The following OPCML variants were observed in gnomAD, a reference collection of about 807,000 sequenced individuals.
The protein encoded by OPCML is opioid binding protein/cell adhesion molecule like.
A neutral mutation model predicts 37.8 loss-of-function variants in OPCML; 13 were observed. That is an observed-to-expected ratio of 0.34 (90% confidence interval 0.22 to 0.55). The LOEUF is 0.55. Ranked by LOEUF, OPCML falls within the 20% of genes least tolerant of loss-of-function variation. The pLI, the probability that OPCML is intolerant of heterozygous loss-of-function variation, is 0.91. For missense variants in OPCML, 341 were observed against 435.6 expected (o/e 0.78, Z 1.93); for synonymous variants, 176 against 168.8 (o/e 1.04, Z -0.33).
intron 2 of OPCML, among the ~76,000 whole-genome samples, chr11:132,861,547 G>A (rs554956672): frequency 9.9e-5 from 15 of 152,256 alleles, no homozygotes; most frequent in Admixed American, 4.6e-4. Flanking sequence ...ATTTAAAACT[G>A]CTTTTTTGGC....
intron 1 of OPCML, among the ~76,000 whole-genome samples, chr11:133,414,755 G>A (rs532630838): frequency 5.8e-4 from 89 of 152,170 alleles, no homozygotes; most frequent in African/African-American, 1.9e-3. Flanking sequence ...GCACAGTGAC[G>A]CGAACAGACT....
intron 2 of OPCML, among the ~76,000 whole-genome samples, chr11:132,700,562 T>C (rs997362984): frequency 6.6e-6 from 1 of 152,224 alleles, no homozygotes; most frequent in Admixed American, 6.5e-5. Context: ...AGTAATGTGT[T>C]GTAAAATTTC....
intron 1 of OPCML, among the ~76,000 whole-genome samples, chr11:133,161,690 T>G (rs1433106169): frequency 1.3e-5 from 2 of 152,214 alleles, no homozygotes; most frequent in African/African-American, 4.8e-5. Flanking sequence ...AATTTGATTA[T>G]TAACTGAGGA....
intron 1 of OPCML, among the ~76,000 whole-genome samples, chr11:133,357,720 A>G (rs1944320476): frequency 1.3e-5 from 2 of 152,188 alleles, no homozygotes; most frequent in African/African-American, 4.8e-5. Context: ...TTTTCAAAGG[A>G]TAAAGATTCT....
intron 2 of OPCML, among the ~76,000 whole-genome samples, chr11:132,830,345 G>A (rs913180613): frequency 7.9e-5 from 12 of 152,226 alleles, no homozygotes; most frequent in Non-Finnish European, 1.3e-4. Flanking sequence ...CCCATAAAGC[G>A]GTGTTGGACT....
At chr11:133,384,138 T>C (rs751556669) in intron 1 of OPCML, among the ~76,000 whole-genome samples, 13 of 150,788 alleles carry the variant, frequency 8.6e-5, no homozygotes, top group Admixed American at 2.7e-4. Context: ...CCACTCCAGC[T>C]ATATGACTGA....
chr11:132,852,907 A>G (rs115277131), intron 2 of OPCML, among the ~76,000 whole-genome samples: 2,356 of 151,352 alleles, frequency 0.016, 55 homozygotes, highest in African/African-American at 0.054. Flanking sequence ...AGGTTGTTAA[A>G]AAAAAAAAAA....
intron 1 of OPCML, among the ~76,000 whole-genome samples, chr11:133,477,760 C>T (rs1379145682): frequency 1.3e-5 from 2 of 152,152 alleles, no homozygotes; most frequent in African/African-American, 4.8e-5. Context: ...TTCTCAATCT[C>T]CTGGGGAGAA....
intron 2 of OPCML, among the ~76,000 whole-genome samples, chr11:132,812,022 A>G (rs537850418): frequency 1.3e-5 from 2 of 152,308 alleles, no homozygotes; most frequent in South Asian, 4.1e-4. Context: ...GGCTTGCAGC[A>G]TAAAATACCT....
intron 1 of OPCML, among the ~76,000 whole-genome samples, chr11:133,370,891 G>T (rs1221453108): frequency 1.3e-5 from 2 of 152,166 alleles, no homozygotes; most frequent in Non-Finnish European, 2.9e-5. Context: ...ACAACCTTTT[G>T]AATGGAAGAG....
chr11:132,420,021 ATT>A lies in OPCML; in HGVS notation c.*170_*171del. The A allele has an allele frequency of 4.9e-6, 2 of 410,306 alleles. No individual in the cohort carries two copies. The highest frequency in any genetic ancestry group is 8.8e-6 in the Non-Finnish European group (2 of 226,350). The allele number at this position is 410,306 out of a possible 1,614,324, so 25.4% of individuals were successfully genotyped here. On this transcript the variant is annotated 3_prime_UTR_variant, in exon 8 of 8. Transcript: ENST00000524381. ...GCCCACCCCGCCCCCAACCCCACTC[ATT>A]CAAGCTGGAAATAAAAGCAAACAAA... is the stretch of plus-strand genomic sequence containing the variant.
At chr11:132,754,634 T>G (rs1376196975) in intron 2 of OPCML, among the ~76,000 whole-genome samples, 1 of 152,092 alleles carries the variant, frequency 6.6e-6, no homozygotes, top group Admixed American at 6.6e-5. Flanking sequence ...TAATGAGAAC[T>G]GGGAGATTCT....
chr11:133,359,699 T>C (rs1011192020), intron 1 of OPCML, among the ~76,000 whole-genome samples: 2 of 152,180 alleles, frequency 1.3e-5, no homozygotes, highest in Non-Finnish European at 2.9e-5. Flanking sequence ...GTTCTATACA[T>C]TTGTATTGTG....
At chr11:133,526,896 C>T (rs1243121518) in intron 1 of OPCML, among the ~76,000 whole-genome samples, 2 of 152,226 alleles carry the variant, frequency 1.3e-5, no homozygotes, top group East Asian at 1.9e-4. Flanking sequence ...CTGCCTGGCC[C>T]TCTCTGTCTG....
intron 1 of OPCML, among the ~76,000 whole-genome samples, chr11:133,377,063 C>T (rs146736202): frequency 1.3e-5 from 2 of 152,142 alleles, no homozygotes; most frequent in African/African-American, 4.8e-5. Flanking sequence ...AGTGTTTCGA[C>T]GTCCAGCAGT....
At chr11:133,324,725 G>A (rs1943409377) in intron 1 of OPCML, among the ~76,000 whole-genome samples, 2 of 152,072 alleles carry the variant, frequency 1.3e-5, no homozygotes, top group South Asian at 4.2e-4. Context: ...TTTGAAAGAG[G>A]CTGAGAATGT....
intron 2 of OPCML, among the ~76,000 whole-genome samples, chr11:132,904,140 C>T (rs1944154932): frequency 6.6e-6 from 1 of 152,158 alleles, no homozygotes. Flanking sequence ...TGGACTCACA[C>T]TCAGCTGGAA....
chr11:133,349,850 A>G (rs1254110570), intron 1 of OPCML, among the ~76,000 whole-genome samples: 1 of 152,238 alleles, frequency 6.6e-6, no homozygotes, highest in African/African-American at 2.4e-5. Flanking sequence ...AGAAGCTATC[A>G]GGGAGAAAGA....
intron 3 of OPCML, among the ~76,000 whole-genome samples, chr11:132,607,387 G>A (rs1388616519): frequency 6.6e-6 from 1 of 152,152 alleles, no homozygotes; most frequent in Non-Finnish European, 1.5e-5. Flanking sequence ...ATGGAGGCCA[G>A]GATATTTCCC....
Sources: gnomAD v4.1 joint callset for allele counts (sites outside exome capture counted in the v4.1 genomes callset) on GRCh38, gnomAD v4.1.1 for gene constraint, MANE v1.5 for transcripts, NCBI Gene and HGNC (gene_info 2026-07-23, HGNC 2026-07-21) for gene names.